Variants in ADGRL3 observed in about 807,000 individuals in gnomAD.
ADGRL3 encodes adhesion G protein-coupled receptor L3, also known as calcium-independent alpha-latrotoxin receptor 3.
ADGRL3 carries 62 observed loss-of-function variants against 153.5 expected under a neutral mutation model. The ratio of observed to expected loss-of-function variants is 0.40; its 90% CI spans 0.33 to 0.50. The LOEUF is 0.50. Ranked by LOEUF, ADGRL3 falls within the 20% of genes least tolerant of loss-of-function variation. ADGRL3 has a pLI of 0.47. For synonymous variants in ADGRL3, 710 were observed against 672.5 expected, an observed-to-expected ratio of 1.06 and a Z score of -0.86; for missense variants, 1,641 against 1,859.4, an observed-to-expected ratio of 0.88 and a Z score of 2.16.
At chr4:61,798,515 G>C (rs767024298) in intron 8 of ADGRL3, among the ~76,000 whole-genome samples, 9 of 151,998 alleles carry the variant, frequency 5.9e-5, no homozygotes, top group Non-Finnish European at 1.3e-4. Flanking sequence ...AATGATTCTT[G>C]GCAAAGGTAA....
intron 8 of ADGRL3, among the ~76,000 whole-genome samples, chr4:61,777,372 T>A (rs1331450536): frequency 6.6e-6 from 1 of 152,148 alleles, no homozygotes; most frequent in African/African-American, 2.4e-5. Context: ...AAAGGTTTTT[T>A]AATTACTCAC....
In ADGRL3 at chr4:61,322,310, G is replaced by A. The variant is rs189719359; in HGVS notation, c.-239-60814G>A. 7.5e-3 allele frequency among the ~76,000 whole-genome samples: 1,140 copies of A among 152,268 alleles called. 17 individuals carry two copies. The highest frequency in any genetic ancestry group is 8.5e-3 in the Non-Finnish European group (577 of 68,028). On this transcript the variant is annotated intron_variant, in intron 1 of 26. Transcript: ENST00000683033. ...AGATACAAGATGAGATTTGTGTGGG[G>A]ACACAGAGCCAAACCATATCGTTCC...
At chr4:61,885,555 C>G (rs915492755) in intron 9 of ADGRL3, among the ~76,000 whole-genome samples, 2 of 152,086 alleles carry the variant, frequency 1.3e-5, no homozygotes, top group African/African-American at 4.8e-5. Context: ...TATTGCCGGG[C>G]CCATAATAAG....
intron 9 of ADGRL3, among the ~76,000 whole-genome samples, chr4:61,851,015 A>G (rs1212661217): frequency 1.3e-5 from 2 of 152,130 alleles, no homozygotes; most frequent in African/African-American, 4.8e-5. Flanking sequence ...AAAAAAGTGA[A>G]CCAAGTGTCA....
intron 5 of ADGRL3, among the ~76,000 whole-genome samples, chr4:61,646,805 C>A (rs1274594676): frequency 6.6e-6 from 1 of 152,144 alleles, no homozygotes; most frequent in Non-Finnish European, 1.5e-5. Flanking sequence ...TGGGCTCCAC[C>A]CAGTTTGAGC....
chr4:61,263,495 CTT>C (rs1578030866), intron 1 of ADGRL3, among the ~76,000 whole-genome samples: 2 of 150,606 alleles, frequency 1.3e-5, no homozygotes, highest in African/African-American at 4.9e-5. Context: ...AGTCTCATCT[CTT>C]TGACTTTTTA....
intron 1 of ADGRL3, among the ~76,000 whole-genome samples, chr4:61,261,960 CTT>C (rs1159238695): frequency 6.6e-6 from 1 of 151,880 alleles, no homozygotes; most frequent in Non-Finnish European, 1.5e-5. Context: ...AGAGCTTAGA[CTT>C]CAAGGGGAGT....
At position 62,053,417 on chromosome 4, in the gene ADGRL3, TCTC is replaced by T. The variant is rs904783089; in HGVS notation, c.3814+8871_3814+8873del. On this transcript the variant is annotated intron_variant, in intron 25 of 26. Coordinates refer to ENST00000683033, the MANE Select transcript of ADGRL3 (RefSeq NM_001387552.1). ...AAGTTTAATTGTTTATGTGATAGCT[TCTC>T]CTATGATTTTTTATAATAAGCTTTC... Among the ~76,000 whole-genome samples, 13 of 151,566 alleles carry T rather than the reference TCTC, an allele frequency of 8.6e-5. 1 individual carries two copies. The highest frequency in any genetic ancestry group is 3.1e-4 in the African/African-American group (13 of 41,404).
intron 9 of ADGRL3, among the ~76,000 whole-genome samples, chr4:61,833,223 G>T (rs1024569581): frequency 2.0e-5 from 3 of 152,056 alleles, no homozygotes; most frequent in African/African-American, 7.2e-5. Flanking sequence ...AAAATAAGGA[G>T]CATAGTTCTT....
At chr4:61,452,497 T>C (rs1309238015) in intron 2 of ADGRL3, among the ~76,000 whole-genome samples, 1 of 152,222 alleles carries the variant, frequency 6.6e-6, no homozygotes, top group Non-Finnish European at 1.5e-5. Context: ...TCAGTTTCTG[T>C]TGATTTCTGA....
At chr4:62,070,075 T>C (rs1745051335) in intron 26 of ADGRL3, 34 bp from the exon 27 acceptor site, 3 of 1,556,744 alleles carry the variant, frequency 1.9e-6, no homozygotes, top group Non-Finnish European at 2.6e-6. Flanking sequence ...GCTTGTTGGA[T>C]ATAAATGTCA....
intron 5 of ADGRL3, among the ~76,000 whole-genome samples, chr4:61,615,161 T>C (rs2091852533): frequency 6.6e-6 from 1 of 152,120 alleles, no homozygotes; most frequent in East Asian, 1.9e-4. Context: ...AAAATATTAG[T>C]TTGAGGTATG....
At chr4:61,465,307 A>G (rs957758430) in intron 2 of ADGRL3, among the ~76,000 whole-genome samples, 1 of 152,174 alleles carries the variant, frequency 6.6e-6, no homozygotes, top group Non-Finnish European at 1.5e-5. Flanking sequence ...TAAAGTTAGT[A>G]TAGCATGTCC....
rs573949353 is a variant in ADGRL3, at chr4:61,649,440, C to T, written c.474-27386C>T. Among the ~76,000 whole-genome samples the T allele has an allele frequency of 6.5e-4, 99 of 152,186 alleles. 1 individual carries two copies. The highest frequency in any genetic ancestry group is 2.3e-3 in the African/African-American group (94 of 41,548). ...CGCCTATTGCTTGTATACCTTCAGT[C>T]CTCCATAGATTTGTAGGTGGAACTT... On this transcript the variant is annotated intron_variant, in intron 5 of 26. Coordinates refer to ENST00000683033, the MANE Select transcript of ADGRL3 (RefSeq NM_001387552.1).
chr4:61,733,693 A>C (rs775819578), intron 8 of ADGRL3, 139 bp downstream of exon 8: 4 of 658,962 alleles, frequency 6.1e-6, no homozygotes, highest in Non-Finnish European at 1.0e-5. Context: ...CTTTGCATCT[A>C]AAGAAGGTTG....
intron 5 of ADGRL3, among the ~76,000 whole-genome samples, chr4:61,608,256 A>C (rs1287249642): frequency 6.6e-6 from 1 of 152,224 alleles, no homozygotes; most frequent in African/African-American, 2.4e-5. Flanking sequence ...AGTCATGATG[A>C]TGTCCTTGAA....
intron 9 of ADGRL3, among the ~76,000 whole-genome samples, chr4:61,858,946 A>G (rs2098310823): frequency 6.6e-6 from 1 of 152,214 alleles, no homozygotes; most frequent in Non-Finnish European, 1.5e-5. Context: ...GATGGCTAGG[A>G]TATGGCTAAG....
At chr4:61,708,111 C>T (rs2095886692) in intron 6 of ADGRL3, among the ~76,000 whole-genome samples, 1 of 152,108 alleles carries the variant, frequency 6.6e-6, no homozygotes, top group Non-Finnish European at 1.5e-5. Flanking sequence ...TATTTCCAAA[C>T]TTACCGTCTT....
intron 2 of ADGRL3, among the ~76,000 whole-genome samples, chr4:61,447,459 G>A (rs933365542): frequency 1.3e-5 from 2 of 152,138 alleles, no homozygotes; most frequent in African/African-American, 4.8e-5. Context: ...TCTTGAGTTT[G>A]TGATTGATAT....
Sources: gnomAD v4.1 joint callset for allele counts (sites outside exome capture counted in the v4.1 genomes callset) on GRCh38, gnomAD v4.1.1 for gene constraint, MANE v1.5 for transcripts, NCBI Gene and HGNC (gene_info 2026-07-23, HGNC 2026-07-21) for gene names.